The following DMRT1 variants were observed in gnomAD, a reference collection of about 807,000 sequenced individuals.
DMRT1 encodes the protein doublesex and mab-3 related transcription factor 1.
In DMRT1, 7 loss-of-function variants were observed where a neutral mutation model predicts 32.3. The observed-to-expected ratio is 0.22, with a 90% confidence interval of 0.12 to 0.41. The LOEUF is 0.41. Among genes scored for constraint, DMRT1 ranks in the 10% least tolerant of loss-of-function variants. DMRT1 has a pLI of 1.00. For missense variants in DMRT1, 625 were observed against 500.5 expected (o/e 1.25, Z -2.37); for synonymous variants, 278 against 206.1 (o/e 1.35, Z -2.99).
intron 3 of DMRT1, among the ~76,000 whole-genome samples, chr9:904,339 T>G (rs1817691917): frequency 6.6e-6 from 1 of 152,228 alleles, no homozygotes; most frequent in South Asian, 2.1e-4. Context: ...TAATTACATG[T>G]ATAAGTGATT....
intron 1 of DMRT1, among the ~76,000 whole-genome samples, chr9:844,115 G>C (rs1016259818): frequency 1.3e-5 from 2 of 152,150 alleles, no homozygotes; most frequent in African/African-American, 4.8e-5. Context: ...TATTCTAGTA[G>C]AGGAATTAAT....
chr9:957,746 G>A (rs555508150), intron 4 of DMRT1, among the ~76,000 whole-genome samples: 70 of 152,208 alleles, frequency 4.6e-4, no homozygotes, highest in African/African-American at 1.6e-3. Context: ...GCAGTGGCTC[G>A]CGCCTGTAAT....
At position 968,316 on chromosome 9, in the gene DMRT1, G is replaced by A. The variant is rs1014507275; in HGVS notation, c.*177G>A. Reference sequence around the variant, plus strand: ...ACACATTTGTAATACTTTAGGGTCCGTGACTACCATCTGCATGGTTTAAGT... The same window carrying A: ...ACACATTTGTAATACTTTAGGGTCCATGACTACCATCTGCATGGTTTAAGT... On this transcript the variant is annotated 3_prime_UTR_variant, in exon 5 of 5. Transcript: ENST00000382276. 2.9e-6 allele frequency: 2 copies of A among 696,882 alleles called. No individual in the cohort carries two copies. The highest frequency in any genetic ancestry group is 2.8e-5 in the East Asian group (1 of 35,716). The allele number at this position is 696,882 out of a possible 1,614,324, so 43.2% of individuals were successfully genotyped here.
chr9:876,770 A>G (rs10758986), intron 2 of DMRT1, among the ~76,000 whole-genome samples: 73,625 of 150,706 alleles, frequency 0.49, 19,368 homozygotes, highest in Middle Eastern at 0.62. Context: ...ACCTCAAGCA[A>G]TCCTCCCGCC....
At chr9:941,846 A>G (rs1163326544) in intron 4 of DMRT1, among the ~76,000 whole-genome samples, 2 of 152,190 alleles carry the variant, frequency 1.3e-5, no homozygotes, top group Non-Finnish European at 2.9e-5. Context: ...TGAATGTCCT[A>G]ATGTGGAATG....
intron 2 of DMRT1, among the ~76,000 whole-genome samples, chr9:886,490 A>G (rs1816934675): frequency 6.6e-6 from 1 of 151,920 alleles, no homozygotes; most frequent in South Asian, 2.1e-4. Context: ...TCCTGACCTC[A>G]AGTGATCCAC....
intron 3 of DMRT1, among the ~76,000 whole-genome samples, chr9:897,057 C>T (rs1205178264): frequency 6.6e-6 from 1 of 150,932 alleles, no homozygotes; most frequent in African/African-American, 2.4e-5. Context: ...TACAAATTTT[C>T]TTAAGTTCTT....
At chr9:894,304 C>G in intron 3 of DMRT1, 109 bp downstream of exon 3, 1 of 1,207,238 alleles carries the variant, frequency 8.3e-7, no homozygotes, top group Non-Finnish European at 1.2e-6. Context: ...CGCCCAGAGG[C>G]ACACACAGGT....
intron 3 of DMRT1, among the ~76,000 whole-genome samples, chr9:900,559 C>A (rs551806800): frequency 2.6e-5 from 4 of 151,336 alleles, no homozygotes; most frequent in Non-Finnish European, 5.9e-5. Flanking sequence ...CATGGGAAGA[C>A]AAGGCGGAAA....
intron 1 of DMRT1, among the ~76,000 whole-genome samples, chr9:844,719 C>CTTTTTTTT (rs35980858): frequency 1.7e-5 from 2 of 116,890 alleles, no homozygotes; most frequent in African/African-American, 3.4e-5. Context: ...TTCTTTCTTT[C>CTTTTTTTT]TTTTTTTTTT....
chr9:841,901 G>C lies in DMRT1; in HGVS notation c.63G>C (p.Gly21=). ...CGTCGGAAGCCCCTCACGCCCCCGG[G>C]GTACCGCCGCAGGGCAGAGCCGGGG... ...STPSEAPHAP[G]VPPQGRAGGF... Residue 21 remains glycine (G), a synonymous_variant, in exon 1 of 5, where the codon GGG becomes GGC. Coordinates refer to ENST00000382276, the MANE Select transcript of DMRT1 (RefSeq NM_021951.3). 2 of 1,611,524 alleles carry C rather than the reference G, an allele frequency of 1.2e-6. No homozygotes were observed. The highest frequency in any genetic ancestry group is 8.5e-7 in the Non-Finnish European group (1 of 1,179,028).
intron 2 of DMRT1, among the ~76,000 whole-genome samples, chr9:883,771 G>A (rs962920336): frequency 6.0e-5 from 9 of 150,818 alleles, no homozygotes; most frequent in Non-Finnish European, 1.3e-4. Context: ...CAGCCTGGGC[G>A]GAGCAAGACC....
At position 929,990 on chromosome 9, in the gene DMRT1, G is replaced by T. The variant is rs149425250; in HGVS notation, c.967+13083G>T. On this transcript the variant is annotated intron_variant, in intron 4 of 4. Coordinates refer to ENST00000382276, the MANE Select transcript of DMRT1 (RefSeq NM_021951.3). Reference sequence around the variant, plus strand: ...AGAACAGCCTTGCGTCTGAGCTTCTGTATGCTGTGGAATGGAGTAGCTGTG... The same window carrying T: ...AGAACAGCCTTGCGTCTGAGCTTCTTTATGCTGTGGAATGGAGTAGCTGTG... Among the ~76,000 whole-genome samples, 35 of 152,236 alleles carry T rather than the reference G, an allele frequency of 2.3e-4. No individual in the cohort carries two copies. In the East Asian group the frequency reaches 6.8e-3, roughly 29 times the overall value.
intron 1 of DMRT1, among the ~76,000 whole-genome samples, chr9:846,710 A>C (rs1007138980): frequency 6.6e-6 from 1 of 152,160 alleles, no homozygotes; most frequent in African/African-American, 2.4e-5. Context: ...GCTCTTGAGT[A>C]GCTGGGATTC....
intron 2 of DMRT1, among the ~76,000 whole-genome samples, chr9:862,346 G>C (rs950586292): frequency 2.0e-5 from 3 of 152,092 alleles, no homozygotes; most frequent in African/African-American, 2.4e-5. Context: ...CCGAAAAATA[G>C]GAAAACCAGT....
intron 3 of DMRT1, among the ~76,000 whole-genome samples, chr9:909,318 A>AT (rs1422547539): frequency 6.6e-6 from 1 of 152,014 alleles, no homozygotes; most frequent in African/African-American, 2.4e-5. Flanking sequence ...ATATATTAAA[A>AT]TTTTTTTCTC....
intron 4 of DMRT1, among the ~76,000 whole-genome samples, chr9:956,211 C>T (rs527368310): frequency 6.6e-6 from 1 of 152,232 alleles, no homozygotes; most frequent in Non-Finnish European, 1.5e-5. Flanking sequence ...TATGAGGTAC[C>T]TACAGTAGTC....
intron 2 of DMRT1, among the ~76,000 whole-genome samples, chr9:891,144 A>G (rs1179509458): frequency 1.3e-5 from 2 of 151,858 alleles, no homozygotes; most frequent in Non-Finnish European, 2.9e-5. Context: ...GTTTGAGACC[A>G]GCCTGGGCAA....
At chr9:850,907 T>C (rs1839118142) in intron 2 of DMRT1, among the ~76,000 whole-genome samples, 2 of 151,642 alleles carry the variant, frequency 1.3e-5, no homozygotes, top group Non-Finnish European at 2.9e-5. Flanking sequence ...CACACGCCTG[T>C]AATCCCAGCT....
Sources: gnomAD v4.1 joint callset for allele counts (sites outside exome capture counted in the v4.1 genomes callset) on GRCh38, gnomAD v4.1.1 for gene constraint, MANE v1.5 for transcripts, NCBI Gene and HGNC (gene_info 2026-07-23, HGNC 2026-07-21) for gene names.